The following NRG1 variants were observed in gnomAD, a reference collection of about 807,000 sequenced individuals.
NRG1 encodes the protein neuregulin 1, also known as pro-neuregulin-1, membrane-bound isoform.
In NRG1, 18 loss-of-function variants were observed where a neutral mutation model predicts 63.8. The ratio of observed to expected loss-of-function variants is 0.28; its 90% CI spans 0.19 to 0.42. The LOEUF (loss-of-function observed/expected upper bound fraction) is 0.42. Ranked by LOEUF, NRG1 falls within the 10% of genes least tolerant of loss-of-function variation. The pLI is 1.00. For missense variants in NRG1, 762 were observed against 814.7 expected (o/e 0.94, Z 0.79); for synonymous variants, 302 against 301.3 (o/e 1.00, Z -0.02).
intron 1 of NRG1, among the ~76,000 whole-genome samples, chr8:32,417,732 G>T (rs1316276956): frequency 1.3e-5 from 2 of 151,572 alleles, no homozygotes; most frequent in African/African-American, 2.4e-5. Context: ...GGGGGTGGAG[G>T]GGGAGGGGGG....
rs553267804 is a variant in NRG1 at position 32,144,156 on chromosome 8, C to G, written c.38-451672C>G. ...AGAGGCATCTGGAGACTGAGAGAGA[C>G]AAAGCAACACAGCTGCAAGCCGACC... On this transcript the variant is annotated intron_variant, in intron 1 of 10. Coordinates refer to the NRG1 transcript ENST00000519301. Among the ~76,000 whole-genome samples the G allele has an allele frequency of 5.7e-3, 864 of 152,246 alleles. 3 individuals carry two copies. Among genetic ancestry groups the G allele is most frequent in the South Asian group, 0.015 (71 of 4,832 alleles).
chr8:32,009,875 C>A (rs918541164), intron 1 of NRG1, among the ~76,000 whole-genome samples: 1 of 151,892 alleles, frequency 6.6e-6, no homozygotes, highest in Admixed American at 6.6e-5. Flanking sequence ...TTCTCTCCCC[C>A]CAGCCCTCCC....
intron 1 of NRG1, among the ~76,000 whole-genome samples, chr8:31,770,613 G>A (rs1818518315): frequency 1.4e-5 from 2 of 144,798 alleles, no homozygotes; most frequent in Non-Finnish European, 3.0e-5. Flanking sequence ...ACCGGGGCCT[G>A]TTGTGGGGTG....
chr8:32,088,877 A>G (rs562120703), intron 1 of NRG1, among the ~76,000 whole-genome samples: 7 of 152,268 alleles, frequency 4.6e-5, no homozygotes, highest in African/African-American at 1.4e-4. Flanking sequence ...CCAAAAAAAA[A>G]TGATTTCTTT....
intron 1 of NRG1, among the ~76,000 whole-genome samples, chr8:32,011,744 C>G (rs1814793275): frequency 6.6e-6 from 1 of 152,050 alleles, no homozygotes; most frequent in African/African-American, 2.4e-5. Context: ...CTGAGGCATG[C>G]CTGGTCTTTT....
intron 1 of NRG1, among the ~76,000 whole-genome samples, chr8:32,390,602 T>TAAAAAAAAAAAAAAAAAAAAAAA (rs66980062): frequency 7.7e-6 from 1 of 130,656 alleles, no homozygotes. Context: ...GACCCTGTCT[T>TAAAAAAAAAAAAAAAAAAAAAAA]AAAAAAAAAA....
intron 1 of NRG1, among the ~76,000 whole-genome samples, chr8:31,904,989 A>C (rs1430714869): frequency 6.6e-6 from 1 of 151,850 alleles, no homozygotes; most frequent in Non-Finnish European, 1.5e-5. Flanking sequence ...CTATATAACA[A>C]ACCTGCACAT....
At chr8:32,545,513 T>C (rs533154298), upstream of NRG1, among the ~76,000 whole-genome samples, 1 of 152,112 alleles carries the variant, frequency 6.6e-6, no homozygotes, top group African/African-American at 2.4e-5. Flanking sequence ...TCCTCTTTTC[T>C]CCATCCCTTG....
At chr8:32,437,074 A>C (rs1051733867) in intron 1 of NRG1, among the ~76,000 whole-genome samples, 1 of 142,886 alleles carries the variant, frequency 7.0e-6, no homozygotes, top group African/African-American at 2.5e-5. Flanking sequence ...AATGGGAGAG[A>C]TATTTGGCCC....
intron 6 of NRG1, chr8:32,728,424 T>C (rs982904955): frequency 5.1e-6 from 5 of 985,386 alleles, no homozygotes; most frequent in African/African-American, 1.7e-5. Flanking sequence ...TATCTACTTC[T>C]ACATCCAATG....
At chr8:31,961,776 T>TA (rs1805496508) in intron 1 of NRG1, among the ~76,000 whole-genome samples, 1 of 152,144 alleles carries the variant, frequency 6.6e-6, no homozygotes, top group African/African-American at 2.4e-5. Flanking sequence ...CATAAACAAT[T>TA]ATAACATTAT....
intron 1 of NRG1, among the ~76,000 whole-genome samples, chr8:32,590,284 T>C (rs943909616): frequency 6.6e-6 from 1 of 152,206 alleles, no homozygotes; most frequent in Non-Finnish European, 1.5e-5. Flanking sequence ...AAGTTTGAAA[T>C]AGATTTAGGC....
intron 1 of NRG1, among the ~76,000 whole-genome samples, chr8:31,684,493 C>T (rs1808660336): frequency 6.6e-6 from 1 of 152,118 alleles, no homozygotes; most frequent in African/African-American, 2.4e-5. Flanking sequence ...GCGAGAAATA[C>T]ATTTCTGTTG....
At chr8:32,301,806 C>T (rs905291145) in intron 1 of NRG1, among the ~76,000 whole-genome samples, 1 of 152,128 alleles carries the variant, frequency 6.6e-6, no homozygotes, top group Non-Finnish European at 1.5e-5. Flanking sequence ...CCCACGGGTT[C>T]CTCCCACAAC....
chr8:32,553,870 C>T (rs1049577258), intron 1 of NRG1, among the ~76,000 whole-genome samples: 1 of 152,078 alleles, frequency 6.6e-6, no homozygotes, highest in Non-Finnish European at 1.5e-5. Context: ...TTTTTTATTT[C>T]CTCCTCAGCC....
At chr8:31,690,409 A>T (rs1045647422) in intron 1 of NRG1, among the ~76,000 whole-genome samples, 1 of 152,220 alleles carries the variant, frequency 6.6e-6, no homozygotes, top group African/African-American at 2.4e-5. Context: ...GGAGTTAGTC[A>T]TGTGGGCAAC....
chr8:31,938,493 A>G (rs573460038), intron 1 of NRG1, among the ~76,000 whole-genome samples: 1 of 152,138 alleles, frequency 6.6e-6, no homozygotes, highest in Admixed American at 6.5e-5. Context: ...GTATGACAAA[A>G]TAAGGTTATT....
intron 1 of NRG1, among the ~76,000 whole-genome samples, chr8:31,995,700 T>C (rs973353070): frequency 3.3e-5 from 5 of 151,916 alleles, no homozygotes; most frequent in Admixed American, 2.0e-4. Flanking sequence ...ACTATTTCCT[T>C]CTATGTCTCT....
chr8:31,951,906 C>T (rs1204465204), intron 1 of NRG1, among the ~76,000 whole-genome samples: 2 of 152,142 alleles, frequency 1.3e-5, no homozygotes, highest in Non-Finnish European at 2.9e-5. Context: ...AAGGGGTTCC[C>T]TTTTAAAATG....
Sources: allele counts gnomAD v4.1 joint callset (sites outside exome capture counted in the v4.1 genomes callset), GRCh38; gene constraint gnomAD v4.1.1; transcripts MANE v1.5; gene names NCBI Gene and HGNC (gene_info 2026-07-23, HGNC 2026-07-21).